Variants in DLG2 observed in about 807,000 individuals in gnomAD.
DLG2 encodes disks large homolog 2.
Under a neutral mutation model 132.5 loss-of-function variants are expected in DLG2, and 45 were observed. That is an observed-to-expected ratio of 0.34 (90% confidence interval 0.27 to 0.44). The LOEUF is 0.44. Among genes scored for constraint, DLG2 ranks in the 20% least tolerant of loss-of-function variants. The pLI is 1.00. For synonymous variants in DLG2, 424 were observed against 419.6 expected (o/e 1.01, Z -0.13); for missense variants, 1,045 against 1,196.9 (o/e 0.87, Z 1.87).
intron 20 of DLG2, among the ~76,000 whole-genome samples, 200 bp from the exon 21 acceptor site, chr11:83,532,983 C>T (rs562092398): frequency 5.3e-5 from 8 of 152,160 alleles, no homozygotes; most frequent in Admixed American, 1.3e-4. Flanking sequence ...GAAATTACTC[C>T]GATACGTATA....
At chr11:84,523,421 A>G (rs2099310607) in intron 7 of DLG2, among the ~76,000 whole-genome samples, 1 of 152,202 alleles carries the variant, frequency 6.6e-6, no homozygotes, top group South Asian at 2.1e-4. Context: ...TTTCCACTAT[A>G]TGCTATTACT....
intron 17 of DLG2, among the ~76,000 whole-genome samples, chr11:83,804,951 T>A (rs559244695): frequency 2.0e-4 from 30 of 152,262 alleles, no homozygotes; most frequent in African/African-American, 4.6e-4. Flanking sequence ...ACTCTTTTTT[T>A]AAAAATAATT....
At chr11:85,023,284 T>A (rs2060233663) in intron 6 of DLG2, among the ~76,000 whole-genome samples, 1 of 152,088 alleles carries the variant, frequency 6.6e-6, no homozygotes, top group Non-Finnish European at 1.5e-5. Context: ...TCTTACAGTT[T>A]CAATGTGGAT....
At chr11:85,095,526 T>C (rs2069587208) in intron 6 of DLG2, among the ~76,000 whole-genome samples, 1 of 152,156 alleles carries the variant, frequency 6.6e-6, no homozygotes, top group Non-Finnish European at 1.5e-5. Flanking sequence ...CTATGGGCTC[T>C]TAAATATGCT....
intron 5 of DLG2, among the ~76,000 whole-genome samples, chr11:85,129,254 T>C (rs530553195): frequency 3.9e-5 from 6 of 152,316 alleles, no homozygotes; most frequent in Admixed American, 1.3e-4. Context: ...TGACAGAAAC[T>C]CTGTATTTAT....
rs545205078 is a variant in DLG2, at chr11:85,188,793, G to C, written c.187-34142C>G. ...AAATTATCAGTAAACTTGAAGATTA[G>C]AAATGATCTAACCTGAAGAACAAAG... On this transcript the variant is annotated intron_variant, in intron 4 of 27. Transcript: ENST00000376104. 3.3e-5 allele frequency among the ~76,000 whole-genome samples: 5 copies of C among 152,180 alleles called. No individual in the cohort carries two copies. In the South Asian group the frequency reaches 1.0e-3, roughly 32 times the overall value.
At chr11:85,420,280 A>T (rs557830129) in intron 3 of DLG2, among the ~76,000 whole-genome samples, 25 of 152,186 alleles carry the variant, frequency 1.6e-4, no homozygotes, top group African/African-American at 6.0e-4. Flanking sequence ...AACAGCAAAG[A>T]CTGCTGCCTG....
intron 7 of DLG2, among the ~76,000 whole-genome samples, chr11:84,397,673 C>T (rs888038225): frequency 5.9e-5 from 9 of 152,182 alleles, no homozygotes; most frequent in Admixed American, 2.6e-4. Flanking sequence ...TGAACATTGA[C>T]GTGAGAGCTA....
intron 5 of DLG2, among the ~76,000 whole-genome samples, chr11:85,124,579 A>AT (rs1458164534): frequency 3.3e-5 from 5 of 152,222 alleles, no homozygotes; most frequent in Admixed American, 6.5e-5. Flanking sequence ...CTAGTATAAT[A>AT]AATGGAAACC....
chr11:85,274,307 T>C (rs1441088893), intron 4 of DLG2, among the ~76,000 whole-genome samples: 1 of 152,158 alleles, frequency 6.6e-6, no homozygotes, highest in Non-Finnish European at 1.5e-5. Flanking sequence ...TGGGCCATTG[T>C]TATCATAGTA....
intron 3 of DLG2, among the ~76,000 whole-genome samples, chr11:85,465,453 C>T (rs931616503): frequency 1.2e-4 from 18 of 151,974 alleles, no homozygotes; most frequent in African/African-American, 3.6e-4. Context: ...TATCCCTCCC[C>T]GCTCCCCCCA....
intron 19 of DLG2, among the ~76,000 whole-genome samples, chr11:83,571,627 G>A (rs950406593): frequency 5.3e-5 from 8 of 151,048 alleles, no homozygotes; most frequent in Admixed American, 4.0e-4. Flanking sequence ...TTATTCAGCA[G>A]AAGAGAGGCA....
intron 6 of DLG2, among the ~76,000 whole-genome samples, chr11:84,731,663 G>C (rs1324480121): frequency 6.6e-6 from 1 of 151,900 alleles, no homozygotes; most frequent in Non-Finnish European, 1.5e-5. Context: ...AGTGAACAGA[G>C]GCTGAAGAAG....
At chr11:84,857,100 A>G (rs1180088982) in intron 6 of DLG2, among the ~76,000 whole-genome samples, 1 of 151,694 alleles carries the variant, frequency 6.6e-6, no homozygotes, top group East Asian at 2.0e-4. Flanking sequence ...CCAAATAAAA[A>G]TACCAACTTT....
At chr11:85,547,301 G>A (rs1009848945) in intron 3 of DLG2, among the ~76,000 whole-genome samples, 2 of 151,928 alleles carry the variant, frequency 1.3e-5, no homozygotes, top group African/African-American at 2.4e-5. Context: ...TTCTTTATGA[G>A]TGTTGAATAT....
intron 19 of DLG2, among the ~76,000 whole-genome samples, chr11:83,562,739 T>C (rs1170308250): frequency 1.3e-5 from 2 of 152,138 alleles, no homozygotes; most frequent in Non-Finnish European, 2.9e-5. Context: ...TTAGTGAGGT[T>C]GAAGTAGGTT....
intron 6 of DLG2, among the ~76,000 whole-genome samples, chr11:84,603,310 C>CAT (rs950658594): frequency 2.0e-5 from 3 of 151,768 alleles, no homozygotes; most frequent in African/African-American, 7.3e-5. Flanking sequence ...GCAGACATTC[C>CAT]ATATATATTT....
At chr11:84,201,410 T>C (rs1459227679) in intron 8 of DLG2, among the ~76,000 whole-genome samples, 2 of 152,180 alleles carry the variant, frequency 1.3e-5, no homozygotes, top group African/African-American at 2.4e-5. Context: ...ATTTTCTTTT[T>C]TGTTGTTGTA....
At chr11:85,623,689 CAAT>C (rs1218835210) in intron 2 of DLG2, among the ~76,000 whole-genome samples, 2 of 152,108 alleles carry the variant, frequency 1.3e-5, no homozygotes, top group African/African-American at 2.4e-5. Flanking sequence ...TATTTAATGA[CAAT>C]GAGAACAAAA....
Sources: allele counts gnomAD v4.1 joint callset (sites outside exome capture counted in the v4.1 genomes callset), GRCh38; gene constraint gnomAD v4.1.1; transcripts MANE v1.5; gene names NCBI Gene and HGNC (gene_info 2026-07-23, HGNC 2026-07-21).